BICDL1: variants seen among roughly 807,000 people sequenced by gnomAD.
BICDL1 encodes the protein BICD family like cargo adaptor 1.
Under a neutral mutation model 76.8 loss-of-function variants are expected in BICDL1, and 20 were observed. The ratio of observed to expected loss-of-function variants is 0.26; its 90% CI spans 0.18 to 0.38. The LOEUF (loss-of-function observed/expected upper bound fraction) is 0.38, where lower values mean the gene tolerates loss of function less well. Among genes scored for constraint, BICDL1 ranks in the 10% least tolerant of loss-of-function variants. The pLI is 1.00. For synonymous variants in BICDL1, 383 were observed against 337.1 expected (o/e 1.14, Z -1.49); for missense variants, 700 against 798.6 (o/e 0.88, Z 1.49).
intron 2 of BICDL1, among the ~76,000 whole-genome samples, chr12:120,016,238 T>C (rs1001033174): frequency 3.3e-5 from 5 of 152,228 alleles, no homozygotes; most frequent in Admixed American, 2.6e-4. Context: ...ATAGTTCCTT[T>C]TTTAGTATTC....
intron 4 of BICDL1, among the ~76,000 whole-genome samples, chr12:120,067,630 C>A (rs555004553): frequency 2.0e-4 from 31 of 152,158 alleles, no homozygotes; most frequent in Non-Finnish European, 3.1e-4. Flanking sequence ...CTCTCCTGGT[C>A]TTTTGTTCCC....
intron 4 of BICDL1, among the ~76,000 whole-genome samples, chr12:120,070,675 G>A (rs188368846): frequency 6.6e-5 from 10 of 150,592 alleles, no homozygotes; most frequent in Admixed American, 6.6e-4. Flanking sequence ...TTACATTTTT[G>A]TTTGAATCAA....
chr12:120,081,927 TA>T lies in BICDL1; in HGVS notation c.1583+924del, dbSNP rs373206619. ...AGTATACATCTCTACCAGAAAGAAT[TA>T]AAAAAAAAAAAAACACAATACAATG... On this transcript the variant is annotated intron_variant, in intron 8 of 9. Transcript: ENST00000548673. 4.7e-3 allele frequency among the ~76,000 whole-genome samples: 618 copies of T among 130,796 alleles called. 2 individuals carry two copies. The highest frequency in any genetic ancestry group is 0.012 in the African/African-American group (428 of 35,560). 85.8% of individuals were successfully genotyped at this position (130,796 alleles called of 152,430 possible).
chr12:119,997,164 T>G (rs1225979291), intron 1 of BICDL1, among the ~76,000 whole-genome samples: 1 of 152,132 alleles, frequency 6.6e-6, no homozygotes, highest in Admixed American at 6.6e-5. Context: ...ACCAGGATGG[T>G]CTCGATCTCC....
intron 1 of BICDL1, among the ~76,000 whole-genome samples, chr12:119,993,979 C>T (rs1951582820): frequency 6.6e-6 from 1 of 152,226 alleles, no homozygotes; most frequent in Admixed American, 6.5e-5. Context: ...AGCCGTTTTG[C>T]TTTAAAACTT....
At chr12:120,017,950 T>G (rs1304917285) in intron 2 of BICDL1, among the ~76,000 whole-genome samples, 1 of 152,214 alleles carries the variant, frequency 6.6e-6, no homozygotes, top group Non-Finnish European at 1.5e-5. Flanking sequence ...AACACCTGTT[T>G]CCATGCTTGA....
At chr12:120,056,360 A>G (rs1268108215) in intron 2 of BICDL1, among the ~76,000 whole-genome samples, 1 of 152,232 alleles carries the variant, frequency 6.6e-6, no homozygotes, top group Non-Finnish European at 1.5e-5. Flanking sequence ...TTAGTTAGGC[A>G]TGGTAGCCAA....
rs1009240599 is a variant in BICDL1 at position 120,059,726 on chromosome 12, A to G, written c.646-1984A>G. Among the ~76,000 whole-genome samples the G allele has an allele frequency of 4.6e-5, 7 of 150,746 alleles. No homozygotes were observed. The South Asian group carries it at 6.3e-4, about 13-fold the overall frequency. ...TGCCCAGCCTATTTATTTATTTTTG[A>G]GACAGGCTTTCACACTCTGTTGCCA... On this transcript the variant is annotated intron_variant, in intron 2 of 9. Coordinates refer to ENST00000548673, the MANE Select transcript of BICDL1 (RefSeq NM_001367886.1).
intron 2 of BICDL1, among the ~76,000 whole-genome samples, chr12:120,032,126 A>G (rs886757748): frequency 1.7e-4 from 26 of 151,980 alleles, no homozygotes; most frequent in Admixed American, 9.2e-4. Flanking sequence ...TCTTCCCTTC[A>G]CCCCATTATG....
chr12:120,057,917 G>A (rs911827908), intron 2 of BICDL1, among the ~76,000 whole-genome samples: 9 of 134,978 alleles, frequency 6.7e-5, no homozygotes, highest in Non-Finnish European at 1.2e-4. Context: ...TGCAAGCTCC[G>A]CCTCCCGGGC....
chr12:120,003,399 T>C (rs1951796353), intron 2 of BICDL1, among the ~76,000 whole-genome samples: 1 of 151,852 alleles, frequency 6.6e-6, no homozygotes, highest in Admixed American at 6.6e-5. Flanking sequence ...GTTGTTGTTG[T>C]TAAATGATTA....
chr12:120,061,629 C>T, intron 2 of BICDL1, 81 bp from the exon 3 acceptor site: 1 of 942,098 alleles, frequency 1.1e-6, no homozygotes, highest in Non-Finnish European at 1.7e-6. Flanking sequence ...CAAAGAGATG[C>T]TTGATAAATG....
intron 8 of BICDL1, among the ~76,000 whole-genome samples, chr12:120,084,571 C>G (rs1302102424): frequency 6.6e-6 from 1 of 152,106 alleles, no homozygotes; most frequent in African/African-American, 2.4e-5. Flanking sequence ...ATATGACACA[C>G]ATTTTAACTT....
At chr12:120,002,928 G>C (rs1377551458) in intron 2 of BICDL1, among the ~76,000 whole-genome samples, 1 of 152,108 alleles carries the variant, frequency 6.6e-6, no homozygotes, top group Non-Finnish European at 1.5e-5. Context: ...AGGCTAAGGC[G>C]GGCAGATCAC....
chr12:120,005,668 C>T (rs4767870), intron 2 of BICDL1, among the ~76,000 whole-genome samples: 71,277 of 152,144 alleles, frequency 0.47, 19,592 homozygotes, highest in Admixed American at 0.6. Context: ...CACGCCCAGC[C>T]GTTTTTGCTT....
intron 8 of BICDL1, among the ~76,000 whole-genome samples, chr12:120,082,199 T>C (rs1436234715): frequency 6.6e-6 from 1 of 152,222 alleles, no homozygotes; most frequent in East Asian, 1.9e-4. Flanking sequence ...CTGGGTTTGA[T>C]TGCATCCCAT....
chr12:120,072,785 T>G, intron 6 of BICDL1, 56 bp downstream of exon 6: 1 of 1,469,116 alleles, frequency 6.8e-7, no homozygotes, highest in Non-Finnish European at 9.4e-7. Flanking sequence ...GGTGGGAGGT[T>G]AGAACCCAGT....
intron 2 of BICDL1, among the ~76,000 whole-genome samples, chr12:120,060,032 T>C (rs1953070457): frequency 6.6e-6 from 1 of 152,206 alleles, no homozygotes; most frequent in Admixed American, 6.5e-5. Flanking sequence ...GTTTTTACCA[T>C]CCTGATTCTG....
intron 2 of BICDL1, among the ~76,000 whole-genome samples, chr12:120,058,533 A>AAACTGC (rs1231726155): frequency 3.3e-5 from 5 of 152,138 alleles, no homozygotes; most frequent in Non-Finnish European, 5.9e-5. Flanking sequence ...ATATGCACTC[A>AAACTGC]AACTGCAGCA....
Sources: allele counts gnomAD v4.1 joint callset (sites outside exome capture counted in the v4.1 genomes callset), GRCh38; gene constraint gnomAD v4.1.1; transcripts MANE v1.5; gene names NCBI Gene and HGNC (gene_info 2026-07-23, HGNC 2026-07-21).